Variants in NRXN1 observed in about 807,000 individuals in gnomAD.
The protein encoded by NRXN1 is neurexin 1, also known as neurexin-1.
A neutral mutation model predicts 150.9 loss-of-function variants in NRXN1; 39 were observed. That is an observed-to-expected ratio of 0.26 (90% confidence interval 0.20 to 0.34). The LOEUF is 0.34. NRXN1 is among the 10% of genes least tolerant of loss of function. NRXN1 has a pLI of 1.00. For synonymous variants in NRXN1, 924 were observed against 757.0 expected, an observed-to-expected ratio of 1.22 and a Z score of -3.62; for missense variants, 1,815 against 1,949.9, an observed-to-expected ratio of 0.93 and a Z score of 1.30.
intron 5 of NRXN1, among the ~76,000 whole-genome samples, chr2:50,720,412 T>G (rs1696489530): frequency 1.3e-5 from 2 of 152,312 alleles, no homozygotes; most frequent in South Asian, 4.1e-4. Flanking sequence ...TTTCCCTATT[T>G]GCTTCCATCT....
chr2:50,637,969 A>T (rs1683480788), intron 5 of NRXN1, among the ~76,000 whole-genome samples: 2 of 152,190 alleles, frequency 1.3e-5, no homozygotes, highest in South Asian at 4.1e-4. Flanking sequence ...TCCAAGGTAA[A>T]TAATGAATTT....
chr2:50,952,812 T>C (rs1397088928), intron 2 of NRXN1, among the ~76,000 whole-genome samples: 5 of 152,152 alleles, frequency 3.3e-5, no homozygotes, highest in Admixed American at 3.3e-4. Context: ...TATGCCAGAT[T>C]CCACTGAGCT....
intron 5 of NRXN1, among the ~76,000 whole-genome samples, chr2:50,643,642 A>G (rs897187037): frequency 2.0e-5 from 3 of 151,936 alleles, no homozygotes; most frequent in African/African-American, 7.2e-5. Flanking sequence ...TTCTTCCGAT[A>G]CTGTTAAGTA....
At chr2:50,667,271 C>A (rs1488411726) in intron 5 of NRXN1, among the ~76,000 whole-genome samples, 1 of 151,880 alleles carries the variant, frequency 6.6e-6, no homozygotes, top group African/African-American at 2.4e-5. Context: ...TCAGCAGGGA[C>A]AATTTCATAA....
At chr2:50,218,832 A>C (rs1231557367) in intron 18 of NRXN1, among the ~76,000 whole-genome samples, 1 of 152,046 alleles carries the variant, frequency 6.6e-6, no homozygotes, top group Non-Finnish European at 1.5e-5. Flanking sequence ...AGTTAAATAT[A>C]ATTTAAGATT....
chr2:50,347,625 G>A lies in NRXN1; in HGVS notation c.3365-110655C>T, dbSNP rs2078129875. 1.0e-6 allele frequency: 1 copy of A among 999,842 alleles called. No homozygotes were observed. The highest frequency in any genetic ancestry group is 1.2e-6 in the Non-Finnish European group (1 of 838,716). The allele number at this position is 999,842 out of a possible 1,614,324, so 61.9% of individuals were successfully genotyped here. On this transcript the variant is annotated intron_variant, in intron 17 of 22. Transcript: ENST00000401669. This position sits in a 1 kb window ranked among gnomAD's most constrained non-coding sequence, Gnocchi z 4.9. The stretch of plus-strand genomic sequence containing the variant: ...CCGCCTCCTGACACTTACGCCCGGC[G>A]AGGGGTTCAGAGGGAAGAGTGCGCC...
chr2:50,323,335 G>T (rs2076172143), intron 17 of NRXN1, among the ~76,000 whole-genome samples: 1 of 152,158 alleles, frequency 6.6e-6, no homozygotes, highest in Non-Finnish European at 1.5e-5. Context: ...AGGTGAAGCT[G>T]ATGCTGTCAG....
At chr2:50,663,902 G>C (rs1286189287) in intron 5 of NRXN1, among the ~76,000 whole-genome samples, 2 of 151,966 alleles carry the variant, frequency 1.3e-5, no homozygotes, top group Non-Finnish European at 2.9e-5. Flanking sequence ...AAAATACCTA[G>C]AACCTATTTC....
intron 18 of NRXN1, among the ~76,000 whole-genome samples, chr2:50,182,045 G>A (rs1384696497): frequency 6.7e-6 from 1 of 149,920 alleles, no homozygotes; most frequent in African/African-American, 2.4e-5. Context: ...AAAAAAAAAT[G>A]CCTTCACATT....
intron 2 of NRXN1, among the ~76,000 whole-genome samples, chr2:50,947,052 C>A (rs1690505690): frequency 6.6e-6 from 1 of 152,076 alleles, no homozygotes; most frequent in Non-Finnish European, 1.5e-5. Context: ...CAGGGAATAG[C>A]TAAGTAATGA....
chr2:50,197,434 C>G (rs960953009), intron 18 of NRXN1, among the ~76,000 whole-genome samples: 2 of 152,052 alleles, frequency 1.3e-5, no homozygotes, highest in African/African-American at 2.4e-5. Context: ...ACTTTCTGCT[C>G]GAAATGTTGA....
At chr2:50,073,070 A>T (rs1251110452) in intron 19 of NRXN1, among the ~76,000 whole-genome samples, 6 of 152,170 alleles carry the variant, frequency 3.9e-5, no homozygotes, top group Admixed American at 3.9e-4. Flanking sequence ...TGGAGCCTAT[A>T]CCCTTAGGAA....
chr2:50,495,883 C>T (rs1320011098), intron 15 of NRXN1, 22 bp downstream of exon 15: 1 of 1,555,944 alleles, frequency 6.4e-7, no homozygotes, highest in Non-Finnish European at 8.7e-7. Context: ...AGGCTCGTTG[C>T]TCTGACTTAA....
intron 21 of NRXN1, among the ~76,000 whole-genome samples, chr2:50,011,182 G>A (rs938518139): frequency 2.0e-5 from 3 of 152,080 alleles, no homozygotes; most frequent in Non-Finnish European, 4.4e-5. Flanking sequence ...TGTCATGAAT[G>A]GAACTTAGGT....
At chr2:50,068,318 T>G (rs758934697) in intron 19 of NRXN1, among the ~76,000 whole-genome samples, 6 of 152,214 alleles carry the variant, frequency 3.9e-5, no homozygotes, top group Non-Finnish European at 8.8e-5. Context: ...GTAAAACCAC[T>G]GAAGTAAAAT....
chr2:50,577,612 T>C (rs1671633234), intron 8 of NRXN1, among the ~76,000 whole-genome samples: 1 of 152,090 alleles, frequency 6.6e-6, no homozygotes, highest in Non-Finnish European at 1.5e-5. Flanking sequence ...AAGGAGAATA[T>C]ACTCCATTAT....
At chr2:49,945,792 G>A (rs554438040) in intron 21 of NRXN1, among the ~76,000 whole-genome samples, 7 of 152,274 alleles carry the variant, frequency 4.6e-5, no homozygotes, top group Non-Finnish European at 7.4e-5. Flanking sequence ...TATCATTGAT[G>A]AGCATTTGGG....
At position 50,490,372 on chromosome 2, in the gene NRXN1, T is replaced by C. The variant is rs141901361; in HGVS notation, c.3070+5533A>G. ...CTTTTGTCAGGGGTTACAGACGGCC[T>C]TCCAACCCATAGTCTCCTTCTCTTC... On this transcript the variant is annotated intron_variant, in intron 15 of 22. Transcript: ENST00000401669. Among the ~76,000 whole-genome samples, 17 of 152,296 alleles carry C rather than the reference T, an allele frequency of 1.1e-4. 1 individual carries two copies. In the East Asian group the frequency reaches 3.3e-3, roughly 29 times the overall value.
chr2:49,921,570 T>G lies in NRXN1; in HGVS notation c.*374A>C, dbSNP rs1668204904. On this transcript the variant is annotated 3_prime_UTR_variant, in exon 23 of 23. Coordinates refer to ENST00000401669, the MANE Select transcript of NRXN1 (RefSeq NM_001330078.2). Reference sequence around the variant, plus strand: ...GCTAAATCCAGGATCATAGGTAGCTTCTTTTTTGTGTTATGTTTTGTGTTG... The same window carrying G: ...GCTAAATCCAGGATCATAGGTAGCTGCTTTTTTGTGTTATGTTTTGTGTTG... The G allele has an allele frequency of 5.3e-6, 1 of 188,376 alleles. No individual in the cohort carries two copies. Among genetic ancestry groups the G allele is most frequent in the Non-Finnish European group, 1.1e-5 (1 of 90,996 alleles). The allele number at this position is 188,376 out of a possible 1,614,324, so 11.7% of individuals were successfully genotyped here.
Sources: gnomAD v4.1 joint callset for allele counts (sites outside exome capture counted in the v4.1 genomes callset) on GRCh38, gnomAD v4.1.1 for gene constraint, Gnocchi (gnomAD v3.1) non-coding constraint, MANE v1.5 for transcripts, NCBI Gene and HGNC (gene_info 2026-07-23, HGNC 2026-07-21) for gene names.